ABTB2: variants seen among roughly 807,000 people sequenced by gnomAD.
ABTB2 encodes ankyrin repeat and BTB/POZ domain-containing protein 2.
A neutral mutation model predicts 104.1 loss-of-function variants in ABTB2; 56 were observed. The ratio of observed to expected loss-of-function variants is 0.54; its 90% confidence interval spans 0.43 to 0.67. The LOEUF is 0.67. Ranked by LOEUF, ABTB2 falls within the 30% of genes least tolerant of loss-of-function variation. ABTB2 has a pLI of 0.00. For missense variants in ABTB2, 1,279 were observed against 1,407.7 expected (o/e 0.91, Z 1.46); for synonymous variants, 606 against 608.2 (o/e 1.00, Z 0.05).
chr11:34,330,288 C>G, intron 1 of ABTB2, among the ~76,000 whole-genome samples: 1 of 151,792 alleles, frequency 6.6e-6, no homozygotes, highest in Admixed American at 6.6e-5. Flanking sequence ...GGTTCAAATC[C>G]CTAGTCTACC....
chr11:34,316,205 A>G (rs775365087), intron 1 of ABTB2, among the ~76,000 whole-genome samples: 54 of 152,306 alleles, frequency 3.5e-4, no homozygotes, highest in Non-Finnish European at 6.2e-4. Context: ...ACAGCACCCA[A>G]CGTGAGGCTG....
chr11:34,190,860 T>A (rs1389366516), intron 3 of ABTB2, among the ~76,000 whole-genome samples: 3 of 152,172 alleles, frequency 2.0e-5, no homozygotes, highest in Admixed American at 2.0e-4. Flanking sequence ...CTAAATGTTG[T>A]TTATGGCCAT....
intron 1 of ABTB2, among the ~76,000 whole-genome samples, chr11:34,338,608 A>G (rs1178025722): frequency 6.6e-6 from 1 of 151,736 alleles, no homozygotes; most frequent in Non-Finnish European, 1.5e-5. Flanking sequence ...TGGGAGGCTG[A>G]GGTGGCAGAA....
chr11:34,245,752 A>C (rs1161518239), intron 1 of ABTB2, among the ~76,000 whole-genome samples: 2 of 152,142 alleles, frequency 1.3e-5, no homozygotes, highest in Non-Finnish European at 2.9e-5. Flanking sequence ...GGTGTTTCAC[A>C]ATGAAGGGAA....
At chr11:34,218,846 C>CAAA (rs35803950) in intron 1 of ABTB2, among the ~76,000 whole-genome samples, 5 of 60,962 alleles carry the variant, frequency 8.2e-5, no homozygotes, top group South Asian at 8.7e-4. Context: ...AACTCCATCT[C>CAAA]AAAAAAAAAA....
At chr11:34,241,701 G>A (rs1354462066) in intron 1 of ABTB2, among the ~76,000 whole-genome samples, 1 of 152,210 alleles carries the variant, frequency 6.6e-6, no homozygotes, top group Non-Finnish European at 1.5e-5. Flanking sequence ...AGACCAGCCT[G>A]GGCAAGATGG....
intron 1 of ABTB2, among the ~76,000 whole-genome samples, chr11:34,242,792 C>T (rs1474358348): frequency 1.3e-5 from 2 of 152,132 alleles, no homozygotes; most frequent in Admixed American, 6.5e-5. Context: ...CTCATGCGGG[C>T]ATTGCCTCAG....
rs548811984 is a variant in ABTB2 at position 34,322,134 on chromosome 11, C to T, written c.883+34567G>A. ...AGCTACATATCTGGCCAGAAAGGCACGCAAAACCCATCCAGATAAGGTAGG... is the reference window on the plus strand; with the variant it reads ...AGCTACATATCTGGCCAGAAAGGCATGCAAAACCCATCCAGATAAGGTAGG... On this transcript the variant is annotated intron_variant, in intron 1 of 16. Coordinates refer to ENST00000435224, the MANE Select transcript of ABTB2 (RefSeq NM_145804.3). Among the ~76,000 whole-genome samples the T allele has an allele frequency of 2.1e-4, 32 of 152,230 alleles. No individual in the cohort carries two copies. The East Asian group carries it at 2.5e-3, about 12-fold the overall frequency.
intron 3 of ABTB2, among the ~76,000 whole-genome samples, chr11:34,182,995 A>T (rs1853048713): frequency 6.6e-6 from 1 of 152,180 alleles, no homozygotes; most frequent in South Asian, 2.1e-4. Flanking sequence ...TCTGAAGATG[A>T]CATTCCACAG....
In ABTB2 at chr11:34,154,681, C is replaced by G; in HGVS notation, c.2766+20G>C. On this transcript the variant is annotated intron_variant, in intron 15 of 16. Coordinates refer to ENST00000435224, the MANE Select transcript of ABTB2 (RefSeq NM_145804.3). This position sits in a 1 kb window ranked among gnomAD's most constrained non-coding sequence, Gnocchi z 4.9. ...CTGGGCACCCTAGCCCAGGCCCCCT[C>G]CCCCTCTCCCGAGTCTCACCTCCAG... The G allele has an allele frequency of 6.2e-7, 1 of 1,613,634 alleles. No individual in the cohort carries two copies. The highest frequency in any genetic ancestry group is 8.5e-7 in the Non-Finnish European group (1 of 1,179,642).
At chr11:34,210,077 GGCGCTGTCTCTTCC>G (rs1281539309) in intron 1 of ABTB2, among the ~76,000 whole-genome samples, 9 of 152,124 alleles carry the variant, frequency 5.9e-5, no homozygotes, top group Non-Finnish European at 8.8e-5. Context: ...AGCTTGCAGA[GGCGCTGTCTCTTCC>G]AAGCTGACGG....
chr11:34,195,737 G>A (rs1853245801), intron 3 of ABTB2, among the ~76,000 whole-genome samples: 4 of 152,194 alleles, frequency 2.6e-5, no homozygotes, highest in Admixed American at 2.6e-4. Context: ...TGAATTAACT[G>A]AGCATCCGCC....
chr11:34,242,199 C>T (rs565383674), intron 1 of ABTB2, among the ~76,000 whole-genome samples: 7 of 152,262 alleles, frequency 4.6e-5, no homozygotes, highest in Admixed American at 3.3e-4. Flanking sequence ...GGCCTTCTGC[C>T]GCAGATCTGT....
chr11:34,161,162 ACT>A (rs201189199), intron 10 of ABTB2, 81 bp from the exon 11 acceptor site: 25 of 1,371,600 alleles, frequency 1.8e-5, no homozygotes, highest in African/African-American at 3.0e-5. Flanking sequence ...TTCTGGGCAG[ACT>A]CTCTCGGGAT....
intron 1 of ABTB2, among the ~76,000 whole-genome samples, chr11:34,346,611 C>T (rs1020427501): frequency 3.4e-4 from 52 of 152,304 alleles, no homozygotes; most frequent in Admixed American, 3.1e-3. Context: ...CTAATTACAG[C>T]GCTCGACCTT....
chr11:34,334,798 G>T (rs1183922317), intron 1 of ABTB2, among the ~76,000 whole-genome samples: 2 of 149,600 alleles, frequency 1.3e-5, no homozygotes, highest in African/African-American at 4.9e-5. Flanking sequence ...CCAAATGTGT[G>T]ATTTATTTTT....
chr11:34,322,962 T>A (rs1265917114), intron 1 of ABTB2, among the ~76,000 whole-genome samples: 1 of 152,204 alleles, frequency 6.6e-6, no homozygotes, highest in Non-Finnish European at 1.5e-5. Context: ...CAGGCTGGAG[T>A]GCAGTGGCAC....
At chr11:34,217,179 C>T (rs986455270) in intron 1 of ABTB2, among the ~76,000 whole-genome samples, 10 of 152,238 alleles carry the variant, frequency 6.6e-5, no homozygotes, top group African/African-American at 2.2e-4. Flanking sequence ...CTGTAAACTG[C>T]CACTTCAATA....
chr11:34,280,976 A>T (rs552932452), intron 1 of ABTB2, among the ~76,000 whole-genome samples: 1 of 152,336 alleles, frequency 6.6e-6, no homozygotes, highest in African/African-American at 2.4e-5. Context: ...AGATAGAGCA[A>T]AGCAGGGGAG....
Sources: allele counts gnomAD v4.1 joint callset (sites outside exome capture counted in the v4.1 genomes callset), GRCh38; gene constraint gnomAD v4.1.1; non-coding constraint Gnocchi (gnomAD v3.1); transcripts MANE v1.5; gene names NCBI Gene and HGNC (gene_info 2026-07-23, HGNC 2026-07-21).